Variants in CACNA2D3 observed in about 807,000 individuals in gnomAD.
The protein encoded by CACNA2D3 is calcium voltage-gated channel auxiliary subunit alpha2delta 3, also known as voltage-dependent calcium channel subunit alpha-2/delta-3.
CACNA2D3 carries 60 observed loss-of-function variants against 160.6 expected under a neutral mutation model. That is an observed-to-expected ratio of 0.37 (90% CI 0.30 to 0.46). The LOEUF is 0.46. Ranked by LOEUF, CACNA2D3 falls within the 20% of genes least tolerant of loss-of-function variation. The pLI is 1.00. For synonymous variants in CACNA2D3, 558 were observed against 492.9 expected (o/e 1.13, Z -1.75); for missense variants, 1,205 against 1,365.0 (o/e 0.88, Z 1.85).
chr3:54,500,538 T>C (rs914921509), intron 4 of CACNA2D3, among the ~76,000 whole-genome samples: 1 of 149,982 alleles, frequency 6.7e-6, no homozygotes, highest in East Asian at 1.9e-4. Context: ...CCTTCCTTCC[T>C]TCCTTCCTTC....
Position 55,009,426 on chromosome 3 carries a change from C to G in CACNA2D3, c.2858C>G (p.Ser953Cys), listed in dbSNP as rs1559462458. The G allele has an allele frequency of 6.2e-7, 1 of 1,613,856 alleles. No individual in the cohort carries two copies. Among genetic ancestry groups the G allele is most frequent in the Non-Finnish European group, 8.5e-7 (1 of 1,179,774 alleles). ...TTTAACCTCTGCAGTTGGTGGCACT[C>G]CGATATGACAGCTAAAGGTGAGCAG... Reference protein sequence around the residue: ...VEFNLCSWWHSDMTAKAQKLK... With the variant: ...VEFNLCSWWHCDMTAKAQKLK... Residue 953 changes from serine (S) to cysteine (C), a missense_variant, in exon 34 of 38, where the codon TCC (serine) becomes TGC (cysteine). Transcript: ENST00000474759.
At position 54,443,626 on chromosome 3, in the gene CACNA2D3, C is replaced by T. The variant is rs552293012; in HGVS notation, c.381+56852C>T. 7.8e-4 allele frequency among the ~76,000 whole-genome samples: 119 copies of T among 152,234 alleles called. 2 individuals carry two copies. Among genetic ancestry groups the T allele is most frequent in the African/African-American group, 2.5e-3 (105 of 41,540 alleles). ...CTGGTGGAGCAGACAGATCCTTGGCCGACGACCCTGGCATTTGCTCTGCTT... is the reference window on the plus strand; with the variant it reads ...CTGGTGGAGCAGACAGATCCTTGGCTGACGACCCTGGCATTTGCTCTGCTT... On this transcript the variant is annotated intron_variant, in intron 4 of 37. Transcript: ENST00000474759.
intron 27 of CACNA2D3, among the ~76,000 whole-genome samples, chr3:54,965,267 C>T (rs1434122073): frequency 6.6e-6 from 1 of 152,192 alleles, no homozygotes; most frequent in African/African-American, 2.4e-5. Flanking sequence ...TTTGGCCTGA[C>T]ATTCAAGACC....
At chr3:54,722,158 G>C (rs1009394831) in intron 11 of CACNA2D3, among the ~76,000 whole-genome samples, 6 of 152,092 alleles carry the variant, frequency 3.9e-5, no homozygotes, top group South Asian at 2.1e-4. Context: ...ATTTCATTAA[G>C]TTGGTTTTCA....
At chr3:54,650,171 TG>T (rs1699732919) in intron 11 of CACNA2D3, among the ~76,000 whole-genome samples, 1 of 152,112 alleles carries the variant, frequency 6.6e-6, no homozygotes, top group African/African-American at 2.4e-5. Context: ...TTCAAACAAT[TG>T]TAGGGTAGCT....
intron 3 of CACNA2D3, among the ~76,000 whole-genome samples, chr3:54,348,184 A>C (rs1312482685): frequency 3.9e-5 from 6 of 152,204 alleles, no homozygotes; most frequent in Admixed American, 3.9e-4. Flanking sequence ...CCAGTTTTCT[A>C]ACCACAGACC....
chr3:54,718,611 G>A (rs1479876688), intron 11 of CACNA2D3, among the ~76,000 whole-genome samples: 1 of 151,854 alleles, frequency 6.6e-6, no homozygotes, highest in South Asian at 2.1e-4. Context: ...GGTAGTATAA[G>A]TCTTCCAATA....
At chr3:54,659,375 C>T (rs1699929114) in intron 11 of CACNA2D3, among the ~76,000 whole-genome samples, 1 of 152,108 alleles carries the variant, frequency 6.6e-6, no homozygotes, top group African/African-American at 2.4e-5. Context: ...TTGATACTCC[C>T]AGCACTTTTA....
chr3:54,941,833 A>G (rs1395020283), intron 27 of CACNA2D3, among the ~76,000 whole-genome samples: 3 of 152,138 alleles, frequency 2.0e-5, no homozygotes, highest in Non-Finnish European at 4.4e-5. Flanking sequence ...AGGGACATGC[A>G]TTGGCCTCCT....
At position 54,203,166 on chromosome 3, in the gene CACNA2D3, A is replaced by G. The variant is rs187403145; in HGVS notation, c.204+79572A>G. Among the ~76,000 whole-genome samples the G allele has an allele frequency of 5.6e-4, 86 of 152,290 alleles. No homozygotes were observed. In the Middle Eastern group the frequency reaches 0.02, roughly 36 times the overall value. ...TGAATCAGTGGACTCAGTAAAGTAG[A>G]TGGCTCTCCCCAATGTGGGTGGGCA... On this transcript the variant is annotated intron_variant, in intron 2 of 37. Coordinates refer to ENST00000474759, the MANE Select transcript of CACNA2D3 (RefSeq NM_018398.3).
intron 35 of CACNA2D3, among the ~76,000 whole-genome samples, chr3:55,022,788 A>G (rs1326126467): frequency 6.6e-6 from 1 of 150,736 alleles, no homozygotes; most frequent in Non-Finnish European, 1.5e-5. Context: ...CGATGTTTCA[A>G]TTGGTGAGGA....
At chr3:54,222,012 C>A (rs9871466) in intron 2 of CACNA2D3, among the ~76,000 whole-genome samples, 23,292 of 151,924 alleles carry the variant, frequency 0.15, 2,524 homozygotes, top group East Asian at 0.41. Context: ...CTGCACCTGG[C>A]CCTCAATATT....
chr3:54,310,593 T>C (rs1261938269), intron 2 of CACNA2D3, among the ~76,000 whole-genome samples: 1 of 152,070 alleles, frequency 6.6e-6, no homozygotes, highest in Non-Finnish European at 1.5e-5. Context: ...TGGAGCCTTG[T>C]GAATGTATTA....
intron 3 of CACNA2D3, among the ~76,000 whole-genome samples, chr3:54,370,470 T>C (rs754141039): frequency 1.3e-5 from 2 of 152,220 alleles, no homozygotes; most frequent in Non-Finnish European, 2.9e-5. Flanking sequence ...AATCCATATA[T>C]AAGGAATGCT....
rs1491160047 is a variant in CACNA2D3 at position 54,822,790 on chromosome 3, C to CTTTCTTTTCTTTCTTT, written c.1398+5920_1398+5921insTTTCTTTTCTTTCTTT. ...TCTTTCTTTCTTTCTTTCTTTCTTT[C>CTTTCTTTTCTTTCTTT]CTTTCTTTCTTTCTTTCTTTCTTTC... On this transcript the variant is annotated intron_variant, in intron 14 of 37. Coordinates refer to ENST00000474759, the MANE Select transcript of CACNA2D3 (RefSeq NM_018398.3). Among the ~76,000 whole-genome samples the CTTTCTTTTCTTTCTTT allele has an allele frequency of 1.5e-4, 11 of 71,960 alleles. 1 individual carries two copies. The highest frequency in any genetic ancestry group is 4.6e-4 in the East Asian group (1 of 2,158). The allele number at this position is 71,960 out of a possible 152,430, so 47.2% of individuals were successfully genotyped here.
chr3:54,535,781 T>G (rs573965663), intron 5 of CACNA2D3, among the ~76,000 whole-genome samples: 1 of 152,208 alleles, frequency 6.6e-6, no homozygotes, highest in Non-Finnish European at 1.5e-5. Flanking sequence ...CAGGACATAT[T>G]GTCCAACTAA....
chr3:54,993,106 G>A (rs1178027791), intron 31 of CACNA2D3, among the ~76,000 whole-genome samples: 2 of 152,144 alleles, frequency 1.3e-5, no homozygotes, highest in African/African-American at 4.8e-5. Flanking sequence ...TCCAATCTCG[G>A]CCCCACCTCC....
chr3:54,981,874 G>A (rs1702516327), intron 29 of CACNA2D3, among the ~76,000 whole-genome samples: 1 of 152,210 alleles, frequency 6.6e-6, no homozygotes, highest in Non-Finnish European at 1.5e-5. Flanking sequence ...TTGCCTCTGG[G>A]CAAGATGGTG....
At chr3:54,726,902 AAAT>A (rs1701286875) in intron 11 of CACNA2D3, among the ~76,000 whole-genome samples, 1 of 152,258 alleles carries the variant, frequency 6.6e-6, no homozygotes, top group Non-Finnish European at 1.5e-5. Flanking sequence ...ACAAAAGCCA[AAAT>A]TGACAAATGG....
Sources: allele counts gnomAD v4.1 joint callset (sites outside exome capture counted in the v4.1 genomes callset), GRCh38; gene constraint gnomAD v4.1.1; transcripts MANE v1.5; gene names NCBI Gene and HGNC (gene_info 2026-07-23, HGNC 2026-07-21).